ADAMTSL1: variants seen among roughly 807,000 people sequenced by gnomAD.
ADAMTSL1 encodes ADAMTS like 1.
ADAMTSL1 carries 126 observed loss-of-function variants against 201.8 expected under a neutral mutation model. The ratio of observed to expected loss-of-function variants is 0.62; its 90% CI spans 0.54 to 0.72. ADAMTSL1 has a LOEUF of 0.72. Among genes scored for constraint, ADAMTSL1 ranks in the 30% least tolerant of loss-of-function variants. ADAMTSL1 has a pLI of 0.00. For missense variants in ADAMTSL1, 2,679 were observed against 2,277.8 expected, an observed-to-expected ratio of 1.18 and a Z score of -3.59; for synonymous variants, 1,121 against 903.4, an observed-to-expected ratio of 1.24 and a Z score of -4.32.
intron 3 of ADAMTSL1, among the ~76,000 whole-genome samples, chr9:18,563,925 C>T (rs998921752): frequency 1.3e-5 from 2 of 152,204 alleles, no homozygotes; most frequent in Non-Finnish European, 2.9e-5. Context: ...AATTTCAAGC[C>T]AGTGGATCTT....
intron 1 of ADAMTSL1, among the ~76,000 whole-genome samples, chr9:18,021,598 A>C (rs1278730914): frequency 2.0e-5 from 3 of 152,158 alleles, no homozygotes; most frequent in Non-Finnish European, 4.4e-5. Flanking sequence ...GTGCTGTTAG[A>C]AAACAATTAT....
chr9:18,544,383 A>G (rs1469362639), intron 3 of ADAMTSL1, among the ~76,000 whole-genome samples: 1 of 152,216 alleles, frequency 6.6e-6, no homozygotes, highest in Non-Finnish European at 1.5e-5. Context: ...TCAAGGTGAT[A>G]TAATAAAAAA....
At chr9:18,038,672 A>T (rs952738644) in intron 1 of ADAMTSL1, among the ~76,000 whole-genome samples, 2 of 152,188 alleles carry the variant, frequency 1.3e-5, no homozygotes, top group Non-Finnish European at 2.9e-5. Flanking sequence ...GGATTATTCC[A>T]GGTTTAGATT....
chr9:18,400,676 A>G (rs1467573558), intron 2 of ADAMTSL1, among the ~76,000 whole-genome samples: 1 of 152,196 alleles, frequency 6.6e-6, no homozygotes, highest in Non-Finnish European at 1.5e-5. Flanking sequence ...TAAAATGTGT[A>G]TATGTCTAAT....
intron 2 of ADAMTSL1, among the ~76,000 whole-genome samples, chr9:18,173,008 G>T: frequency 6.6e-6 from 1 of 151,910 alleles, no homozygotes; most frequent in Non-Finnish European, 1.5e-5. Context: ...AATTGGGTTG[G>T]GATGCTATGC....
At chr9:18,356,527 TAAAAAAAAAA>T (rs1246388028) in intron 2 of ADAMTSL1, among the ~76,000 whole-genome samples, 1 of 79,448 alleles carries the variant, frequency 1.3e-5, no homozygotes. Context: ...ACCCTGTCTT[TAAAAAAAAAA>T]AAAAAAAAAA....
chr9:18,475,896 G>T (rs1017819963), intron 1 of ADAMTSL1, among the ~76,000 whole-genome samples: 1 of 151,912 alleles, frequency 6.6e-6, no homozygotes, highest in African/African-American at 2.4e-5. Context: ...AGATTGTTTT[G>T]CTATCCATTT....
chr9:18,290,615 TTGA>T (rs2132676456), intron 2 of ADAMTSL1, among the ~76,000 whole-genome samples: 1 of 151,656 alleles, frequency 6.6e-6, no homozygotes, highest in South Asian at 2.1e-4. Context: ...ACATCCATAC[TTGA>T]TGAAAGAAAC....
intron 19 of ADAMTSL1, among the ~76,000 whole-genome samples, chr9:18,794,212 C>A (rs1273676948): frequency 1.3e-5 from 2 of 151,892 alleles, no homozygotes; most frequent in Non-Finnish European, 2.9e-5. Flanking sequence ...AGTTCAAGAC[C>A]AGCCTGGGCA....
At chr9:18,145,807 A>G (rs1189311346) in intron 1 of ADAMTSL1, among the ~76,000 whole-genome samples, 1 of 152,216 alleles carries the variant, frequency 6.6e-6, no homozygotes, top group East Asian at 1.9e-4. Context: ...AAGAATAAAA[A>G]GACAAGCCCA....
At chr9:18,118,151 T>C (rs1400274215) in intron 1 of ADAMTSL1, among the ~76,000 whole-genome samples, 1 of 152,152 alleles carries the variant, frequency 6.6e-6, no homozygotes, top group Non-Finnish European at 1.5e-5. Context: ...TATTTGAAAG[T>C]CAAAAGGAAT....
intron 16 of ADAMTSL1, among the ~76,000 whole-genome samples, chr9:18,767,303 G>A (rs1433810): frequency 0.78 from 118,623 of 152,156 alleles, 46,853 homozygotes; most frequent in East Asian, 0.96. Flanking sequence ...AAAAATTACA[G>A]TAAGTTCATG....
chr9:18,771,738 A>G (rs1250369835), intron 17 of ADAMTSL1, among the ~76,000 whole-genome samples: 1 of 39,550 alleles, frequency 2.5e-5, no homozygotes, highest in Non-Finnish European at 4.4e-5. Flanking sequence ...TTTTTTGGAT[A>G]GTATACAACT....
intron 1 of ADAMTSL1, among the ~76,000 whole-genome samples, chr9:18,492,207 T>C (rs1822301639): frequency 6.6e-6 from 1 of 152,148 alleles, no homozygotes; most frequent in African/African-American, 2.4e-5. Context: ...TAGCACATTA[T>C]AATACAAACA....
chr9:17,978,277 C>A (rs193049086), intron 1 of ADAMTSL1, among the ~76,000 whole-genome samples: 1 of 151,896 alleles, frequency 6.6e-6, no homozygotes, highest in Non-Finnish European at 1.5e-5. Flanking sequence ...AAAATTTAAT[C>A]GATTTTCATT....
intron 2 of ADAMTSL1, among the ~76,000 whole-genome samples, chr9:18,438,427 C>G (rs1301270059): frequency 6.6e-6 from 1 of 152,126 alleles, no homozygotes; most frequent in Non-Finnish European, 1.5e-5. Context: ...GCCACCCCCA[C>G]GGACAGCTGA....
rs753363020 is a variant in ADAMTSL1 at position 18,537,878 on chromosome 9, TA to T, written c.237+4601del. Among the ~76,000 whole-genome samples the T allele has an allele frequency of 2.7e-3, 260 of 97,798 alleles. 1 individual carries two copies. Among genetic ancestry groups the T allele is most frequent in the Middle Eastern group, 6.7e-3 (1 of 150 alleles). 64.2% of individuals were successfully genotyped at this position (97,798 alleles called of 152,430 possible). Reference sequence around the variant, plus strand: ...GACAGAGCAAGACCTTGTCTCTATTTAAAAAAAAAAAAAAAGAAGAAAGAAG... The same window carrying T: ...GACAGAGCAAGACCTTGTCTCTATTTAAAAAAAAAAAAAAGAAGAAAGAAG... On this transcript the variant is annotated intron_variant, in intron 3 of 28. Transcript: ENST00000380548.
chr9:18,528,449 G>A (rs1403819123), intron 2 of ADAMTSL1, among the ~76,000 whole-genome samples: 1 of 152,118 alleles, frequency 6.6e-6, no homozygotes, highest in Non-Finnish European at 1.5e-5. Flanking sequence ...GCTCCCGCTT[G>A]TAAGTGAGAT....
intron 2 of ADAMTSL1, among the ~76,000 whole-genome samples, chr9:18,424,518 T>A (rs1247805478): frequency 6.6e-6 from 1 of 152,186 alleles, no homozygotes. Context: ...GGTAGATAAT[T>A]CTCCAGGATA....
Sources: allele counts gnomAD v4.1 joint callset (sites outside exome capture counted in the v4.1 genomes callset), GRCh38; gene constraint gnomAD v4.1.1; transcripts MANE v1.5; gene names NCBI Gene and HGNC (gene_info 2026-07-23, HGNC 2026-07-21).